Variants in MYO16 observed in about 807,000 individuals in gnomAD.
The protein encoded by MYO16 is myosin XVI.
A neutral mutation model predicts 205.3 loss-of-function variants in MYO16; 94 were observed. The ratio of observed to expected loss-of-function variants is 0.46; its 90% confidence interval spans 0.39 to 0.54. MYO16 has a LOEUF of 0.54. Among genes scored for constraint, MYO16 ranks in the 20% least tolerant of loss-of-function variants. The probability of loss-of-function intolerance (pLI) is 0.00; values close to 1 mark genes in which losing one functional copy is unlikely to be tolerated. For synonymous variants in MYO16, 988 were observed against 954.0 expected (o/e 1.04, Z -0.66); for missense variants, 2,315 against 2,387.5 (o/e 0.97, Z 0.63).
At chr13:108,916,693 T>TGTAAGTTAGCAAG (rs1477920771) in intron 16 of MYO16, among the ~76,000 whole-genome samples, 2 of 152,172 alleles carry the variant, frequency 1.3e-5, no homozygotes, top group African/African-American at 4.8e-5. Flanking sequence ...AGACTACCTG[T>TGTAAGTTAGCAAG]GTAAGTTAGC....
intron 27 of MYO16, among the ~76,000 whole-genome samples, chr13:109,063,470 T>C (rs1466512526): frequency 6.6e-6 from 1 of 152,176 alleles, no homozygotes; most frequent in African/African-American, 2.4e-5. Flanking sequence ...GTGGACTTAC[T>C]GTGTCCTCCT....
chr13:109,020,304 TAAGG>T (rs1263550776), intron 23 of MYO16, among the ~76,000 whole-genome samples: 1 of 152,160 alleles, frequency 6.6e-6, no homozygotes, highest in Non-Finnish European at 1.5e-5. Context: ...CATGTCAACT[TAAGG>T]AAGAAAGAAA....
At chr13:108,628,688 A>G (rs1469251864), upstream of MYO16, among the ~76,000 whole-genome samples, 1 of 152,182 alleles carries the variant, frequency 6.6e-6, no homozygotes, top group Non-Finnish European at 1.5e-5. Flanking sequence ...TTTGAATTTC[A>G]TAATCTTCTA....
chr13:108,756,901 AC>A (rs926558617), intron 4 of MYO16, among the ~76,000 whole-genome samples: 4 of 152,206 alleles, frequency 2.6e-5, no homozygotes, highest in African/African-American at 9.6e-5. Context: ...TATATATGGT[AC>A]CTATACTGTT....
intron 20 of MYO16, among the ~76,000 whole-genome samples, chr13:108,968,057 T>C (rs1883863593): frequency 6.6e-6 from 1 of 152,230 alleles, no homozygotes; most frequent in South Asian, 2.1e-4. Flanking sequence ...ACAAAACTCA[T>C]GATTACAGTC....
intron 4 of MYO16, among the ~76,000 whole-genome samples, chr13:108,778,856 C>G (rs968394361): frequency 2.0e-5 from 3 of 152,180 alleles, no homozygotes; most frequent in Admixed American, 6.5e-5. Context: ...CATAGAACCT[C>G]TCTGGTTCTC....
At chr13:108,640,672 G>A (rs892004929) in intron 1 of MYO16, among the ~76,000 whole-genome samples, 1 of 148,532 alleles carries the variant, frequency 6.7e-6, no homozygotes. Flanking sequence ...TCAACAATTT[G>A]TCCTGTATTT....
At chr13:109,040,642 G>A (rs1886857716) in intron 23 of MYO16, among the ~76,000 whole-genome samples, 1 of 151,922 alleles carries the variant, frequency 6.6e-6, no homozygotes, top group African/African-American at 2.4e-5. Context: ...TGAAGAAAAA[G>A]CATTTGATAA....
At chr13:109,090,100 C>G (rs1888571477) in intron 27 of MYO16, among the ~76,000 whole-genome samples, 2 of 152,178 alleles carry the variant, frequency 1.3e-5, no homozygotes, top group African/African-American at 2.4e-5. Flanking sequence ...GCAGCCTGTT[C>G]TCCTTAGTTT....
At chr13:108,847,854 T>C (rs7988238) in intron 10 of MYO16, among the ~76,000 whole-genome samples, 75,378 of 151,916 alleles carry the variant, frequency 0.5, 19,602 homozygotes, top group African/African-American at 0.65. Flanking sequence ...TTTTTTCATT[T>C]TTTTCTTGGT....
At chr13:109,096,255 T>C (rs1011913777) in intron 27 of MYO16, among the ~76,000 whole-genome samples, 3 of 152,168 alleles carry the variant, frequency 2.0e-5, no homozygotes, top group Non-Finnish European at 4.4e-5. Context: ...CAGCCATAGA[T>C]CCTCAGTGTT....
At chr13:108,967,546 C>T (rs1487311411) in intron 20 of MYO16, among the ~76,000 whole-genome samples, 1 of 152,168 alleles carries the variant, frequency 6.6e-6, no homozygotes, top group African/African-American at 2.4e-5. Context: ...AGCCTGACTG[C>T]TGTGCAGTGC....
At chr13:108,646,874 CA>C (rs1286194995) in intron 1 of MYO16, among the ~76,000 whole-genome samples, 1 of 152,018 alleles carries the variant, frequency 6.6e-6, no homozygotes, top group Non-Finnish European at 1.5e-5. Flanking sequence ...TATAAACTTA[CA>C]GCTAGTTTAA....
chr13:109,113,874 CAT>C (rs1875532570), intron 28 of MYO16, among the ~76,000 whole-genome samples: 1 of 152,140 alleles, frequency 6.6e-6, no homozygotes, highest in Non-Finnish European at 1.5e-5. Flanking sequence ...AAGATGGAAA[CAT>C]ATGAGTGAGG....
chr13:108,958,027 G>GAA (rs1219030125), intron 17 of MYO16, among the ~76,000 whole-genome samples: 24 of 151,842 alleles, frequency 1.6e-4, no homozygotes, highest in Admixed American at 1.4e-3. Flanking sequence ...GAACTAGGAA[G>GAA]AAAACAGAGC....
rs183948623 is a variant in MYO16, at chr13:109,037,097, C to G, written c.2797-9819C>G. Among the ~76,000 whole-genome samples the G allele has an allele frequency of 2.0e-5, 3 of 152,324 alleles. No individual in the cohort carries two copies. In the East Asian group the frequency reaches 5.8e-4, roughly 29 times the overall value. ...AGACTCAAAAAGCTCTAGGTGAATT[C>G]TAATACAGGCTGAGTTTCTCCTTAG... On this transcript the variant is annotated intron_variant, in intron 23 of 34. Coordinates refer to ENST00000457511, the MANE Select transcript of MYO16 (RefSeq NM_001198950.3).
At chr13:109,204,972 A>G (rs1410940228) in intron 34 of MYO16, among the ~76,000 whole-genome samples, 1 of 152,174 alleles carries the variant, frequency 6.6e-6, no homozygotes, top group Non-Finnish European at 1.5e-5. Context: ...TGCTGAGAGT[A>G]GAAGCAATCT....
At chr13:108,539,871 A>C in the MYO16 span, among the ~76,000 whole-genome samples, 9 of 152,198 alleles carry the variant, frequency 5.9e-5, no homozygotes, top group African/African-American at 2.2e-4. Flanking sequence ...GAGGAAATGC[A>C]CTTCTCTTTT....
chr13:109,080,072 C>T (rs1461972209), intron 27 of MYO16, among the ~76,000 whole-genome samples: 1 of 128,244 alleles, frequency 7.8e-6, no homozygotes, highest in Admixed American at 8.5e-5. Context: ...GATGGGGTTT[C>T]ACCATGTTGG....
Sources: gnomAD v4.1 joint callset for allele counts (sites outside exome capture counted in the v4.1 genomes callset) on GRCh38, gnomAD v4.1.1 for gene constraint, MANE v1.5 for transcripts, NCBI Gene and HGNC (gene_info 2026-07-23, HGNC 2026-07-21) for gene names.